Variants in FGF12 observed in about 807,000 individuals in gnomAD.
FGF12 encodes the protein fibroblast growth factor 12B.
In FGF12, 14 loss-of-function variants were observed where a neutral mutation model predicts 23.6. The observed-to-expected ratio is 0.59, with a 90% CI of 0.39 to 0.93. The LOEUF (loss-of-function observed/expected upper bound fraction) is 0.93. Ranked by LOEUF, FGF12 falls within the 40% of genes least tolerant of loss-of-function variation. The pLI is 0.00. For synonymous variants in FGF12, 62 were observed against 77.3 expected (o/e 0.80, Z 1.04); for missense variants, 175 against 217.8 (o/e 0.80, Z 1.24).
intron 4 of FGF12, among the ~76,000 whole-genome samples, chr3:192,276,959 A>G (rs369753259): frequency 6.6e-6 from 1 of 152,224 alleles, no homozygotes; most frequent in Non-Finnish European, 1.5e-5. Context: ...TTGTCCAATC[A>G]TATTTCTACA....
rs193114054 is a variant in FGF12 at position 192,259,707 on chromosome 3, T to C, written c.228+75654A>G. 5.1e-3 allele frequency among the ~76,000 whole-genome samples: 769 copies of C among 152,256 alleles called. 4 individuals are homozygous for C. The highest frequency in any genetic ancestry group is 8.3e-3 in the Non-Finnish European group (563 of 67,996). ...TCCTCAAAGAAGAAACAATCAGAAA[T>C]TCCCTCTTTTTTTATAAGATACAAA... On this transcript the variant is annotated intron_variant, in intron 4 of 5. Coordinates refer to ENST00000445105, the MANE Select transcript of FGF12 (RefSeq NM_004113.6).
chr3:192,725,591 C>T (rs1482578460), intron 2 of FGF12, among the ~76,000 whole-genome samples: 2 of 152,102 alleles, frequency 1.3e-5, no homozygotes, highest in African/African-American at 2.4e-5. Context: ...TAAAAGATTA[C>T]TGCCGAGAGA....
chr3:192,158,128 C>T (rs947423491), intron 5 of FGF12, among the ~76,000 whole-genome samples: 1 of 152,098 alleles, frequency 6.6e-6, no homozygotes, highest in Admixed American at 6.6e-5. Context: ...TAAGTCAAAA[C>T]CTTGACCCCA....
chr3:192,527,964 C>T (rs1259400661), intron 2 of FGF12, among the ~76,000 whole-genome samples: 1 of 152,052 alleles, frequency 6.6e-6, no homozygotes, highest in Non-Finnish European at 1.5e-5. Context: ...TATTCAACTA[C>T]CTCCCACTGG....
At chr3:192,573,598 G>C (rs9871989) in intron 2 of FGF12, among the ~76,000 whole-genome samples, 30,726 of 151,982 alleles carry the variant, frequency 0.2, 3,257 homozygotes, top group Middle Eastern at 0.35. Flanking sequence ...TCTGCAGACA[G>C]TGGACCAGCC....
At chr3:192,251,072 G>A (rs573041947) in intron 4 of FGF12, among the ~76,000 whole-genome samples, 76 of 152,082 alleles carry the variant, frequency 5.0e-4, no homozygotes, top group Non-Finnish European at 7.8e-4. Context: ...TAAGCTGATC[G>A]TGAGTCAATA....
chr3:192,229,957 T>C (rs1039964609), intron 4 of FGF12, among the ~76,000 whole-genome samples: 2 of 123,160 alleles, frequency 1.6e-5, no homozygotes, highest in Admixed American at 8.1e-5. Context: ...GGATGATACA[T>C]TATGTGAGAA....
chr3:192,524,084 A>C (rs1424122484), intron 2 of FGF12, among the ~76,000 whole-genome samples: 1 of 152,166 alleles, frequency 6.6e-6, no homozygotes. Flanking sequence ...AAAAAGGGAC[A>C]GTGACTTCTA....
intron 2 of FGF12, among the ~76,000 whole-genome samples, chr3:192,383,200 C>G: frequency 6.6e-6 from 1 of 152,164 alleles, no homozygotes; most frequent in South Asian, 2.1e-4. Flanking sequence ...GAAGACAAAA[C>G]CCAGAGTTTA....
At chr3:192,677,921 T>C (rs147584097) in intron 2 of FGF12, among the ~76,000 whole-genome samples, 308 of 152,354 alleles carry the variant, frequency 2.0e-3, no homozygotes, top group Non-Finnish European at 3.2e-3. Context: ...CCTGGCACTA[T>C]ATTCTCTACA....
At chr3:192,381,695 T>C (rs1398395182) in intron 2 of FGF12, among the ~76,000 whole-genome samples, 1 of 151,986 alleles carries the variant, frequency 6.6e-6, no homozygotes, top group Non-Finnish European at 1.5e-5. Flanking sequence ...TGAGTACGTG[T>C]CAGAAAAAAT....
chr3:192,659,129 ACAT>A (rs1209811806), intron 2 of FGF12, among the ~76,000 whole-genome samples: 1 of 152,196 alleles, frequency 6.6e-6, no homozygotes, highest in Non-Finnish European at 1.5e-5. Context: ...TCAACAATGG[ACAT>A]CATCTATTCT....
At chr3:192,301,566 T>C (rs1560059789) in intron 4 of FGF12, among the ~76,000 whole-genome samples, 2 of 152,018 alleles carry the variant, frequency 1.3e-5, no homozygotes, top group Non-Finnish European at 2.9e-5. Flanking sequence ...AAAATTATGA[T>C]AAGCTCTACG....
chr3:192,507,187 C>T (rs1724335942), intron 2 of FGF12, among the ~76,000 whole-genome samples: 1 of 152,114 alleles, frequency 6.6e-6, no homozygotes, highest in African/African-American at 2.4e-5. Flanking sequence ...CCACTGTGCC[C>T]GGCCATGAAC....
chr3:192,464,542 G>C (rs911495249), intron 2 of FGF12, among the ~76,000 whole-genome samples: 6 of 141,230 alleles, frequency 4.2e-5, no homozygotes, highest in African/African-American at 1.4e-4. Context: ...GTGTGTGTGT[G>C]TGTATGACAT....
chr3:192,213,988 CT>C (rs567919587), intron 4 of FGF12, among the ~76,000 whole-genome samples: 2 of 151,894 alleles, frequency 1.3e-5, no homozygotes, highest in African/African-American at 4.8e-5. Context: ...AAGGGAGGGG[CT>C]TTTTTTTAAA....
At chr3:192,511,280 G>A (rs1445707045) in intron 2 of FGF12, among the ~76,000 whole-genome samples, 1 of 152,024 alleles carries the variant, frequency 6.6e-6, no homozygotes, top group Admixed American at 6.5e-5. Context: ...CTACTGTAGG[G>A]ACCTACTGCC....
At chr3:192,585,894 A>G (rs781424) in intron 2 of FGF12, among the ~76,000 whole-genome samples, 34,236 of 152,228 alleles carry the variant, frequency 0.22, 4,642 homozygotes, top group East Asian at 0.34. Context: ...TTTAGTTGAA[A>G]TCTAGCAACA....
At chr3:192,292,188 A>G (rs1032131773) in intron 4 of FGF12, among the ~76,000 whole-genome samples, 10 of 152,200 alleles carry the variant, frequency 6.6e-5, no homozygotes, top group African/African-American at 2.4e-4. Context: ...AGGGCAAGTT[A>G]CTTTGTTCAC....
Sources: allele counts gnomAD v4.1 joint callset (sites outside exome capture counted in the v4.1 genomes callset), GRCh38; gene constraint gnomAD v4.1.1; transcripts MANE v1.5; gene names NCBI Gene and HGNC (gene_info 2026-07-23, HGNC 2026-07-21).